Variants in XIAP observed in about 807,000 individuals in gnomAD.
XIAP encodes E3 ubiquitin-protein ligase XIAP.
In XIAP, 3 loss-of-function variants were observed where a neutral mutation model predicts 33.1. That is an observed-to-expected ratio of 0.09 (90% confidence interval 0.04 to 0.23). The LOEUF is 0.23. Ranked by LOEUF, XIAP falls within the 10% of genes least tolerant of loss-of-function variation. The pLI is 1.00. For synonymous variants in XIAP, 98 were observed against 121.3 expected (o/e 0.81, Z 1.26); for missense variants, 264 against 363.0 (o/e 0.73, Z 2.22).
chrX:123,865,997 T>C (rs979198526), intron 1 of XIAP, among the ~76,000 whole-genome samples: 4 of 106,373 alleles, frequency 3.8e-5, no homozygotes, highest in Non-Finnish European at 5.8e-5. Context: ...TGGAGTGCAA[T>C]GGCTGCGATC....
At chrX:123,898,674 T>C (rs1204143519) in intron 5 of XIAP, among the ~76,000 whole-genome samples, 1 of 108,859 alleles carries the variant, frequency 9.2e-6, no homozygotes, top group African/African-American at 3.3e-5. Context: ...TTTTTATTTT[T>C]TAATATAGAT....
Position 123,900,674 on chromosome X carries a change from T to G in XIAP, c.1281T>G (p.Ser427Arg). The change falls in exon 6 of 7, where the codon AGT (serine) becomes AGG (arginine). Residue 427 changes from serine (S) to arginine (R), a missense_variant. By Grantham distance (110) the Ser-to-Arg change is moderately radical (BLOSUM62 -1). Coordinates refer to ENST00000371199, the MANE Select transcript of XIAP (RefSeq NM_001167.4). ...AAGACAGTATGCAAGATGAGTCAAG[T>G]CAGACTTCATTACAGAAAGGTATGC... Reference protein sequence around the residue: ...AQKDSMQDESSQTSLQKEIST... With the variant: ...AQKDSMQDESRQTSLQKEIST... 2 of 1,211,195 alleles carry G rather than the reference T, an allele frequency of 1.7e-6. No homozygotes were observed. The highest frequency in any genetic ancestry group is 2.2e-6 in the Non-Finnish European group (2 of 895,026).
chrX:123,888,334 C>CA (rs762217859), intron 2 of XIAP, among the ~76,000 whole-genome samples: 1 of 111,496 alleles, frequency 9.0e-6, no homozygotes, highest in Non-Finnish European at 1.9e-5. Context: ...GACTCAGTCT[C>CA]AAAAAAAGAA....
intron 5 of XIAP, among the ~76,000 whole-genome samples, chrX:123,899,148 T>A (rs377139892): frequency 0.2 from 7,099 of 35,643 alleles, 1,524 homozygotes; most frequent in African/African-American, 0.25. Flanking sequence ...AAAAAAAATA[T>A]ATATATATAT....
chrX:123,861,011 A>T (rs7061360), intron 1 of XIAP, among the ~76,000 whole-genome samples: 40,250 of 110,841 alleles, frequency 0.36, 5,426 homozygotes, highest in African/African-American at 0.41. Flanking sequence ...AATGACTCAC[A>T]GAAATTTGTA....
At chrX:123,901,798 A>G (rs1006901294) in intron 6 of XIAP, among the ~76,000 whole-genome samples, 9 of 111,273 alleles carry the variant, frequency 8.1e-5, no homozygotes, top group African/African-American at 2.9e-4. Flanking sequence ...TGGTGGTAAA[A>G]TAAACCCTTT....
intron 1 of XIAP, among the ~76,000 whole-genome samples, chrX:123,861,940 C>G (rs1305902868): frequency 9.0e-6 from 1 of 111,716 alleles, no homozygotes; most frequent in Non-Finnish European, 1.9e-5. Flanking sequence ...TCCTAAGCTT[C>G]TTGATTATCA....
chrX:123,912,216 G>GAAAAAAAAAAAAAAAAAAACAAAAAAAAA lies in XIAP; in HGVS notation c.*5047_*5048insAAAAAAACAAAAAAAAAAAAAAAAAAAAA. 4.8e-6 allele frequency: 1 copy of GAAAAAAAAAAAAAAAAAAACAAAAAAAAA among 207,690 alleles called. No homozygotes were observed. The highest frequency in any genetic ancestry group is 8.7e-6 in the Non-Finnish European group (1 of 114,938). The allele number at this position is 207,690 out of a possible 1,213,427, so 17.1% of individuals were successfully genotyped here. On this transcript the variant is annotated 3_prime_UTR_variant, in exon 7 of 7. Transcript: ENST00000371199. The stretch of plus-strand genomic sequence containing the variant: ...ACCAAGGAGGAATTGAAAACACTGA[G>GAAAAAAAAAAAAAAAAAAACAAAAAAAAA]AAAAAAAAAAAAGACCACACAATAA...
At chrX:123,864,510 A>G (rs2053111796) in intron 1 of XIAP, among the ~76,000 whole-genome samples, 1 of 80,493 alleles carries the variant, frequency 1.2e-5, no homozygotes, top group Non-Finnish European at 2.2e-5. Flanking sequence ...TCTGTTGCCC[A>G]GGCTGGAGTG....
At chrX:123,884,722 GA>G in intron 1 of XIAP, among the ~76,000 whole-genome samples, 1 of 111,132 alleles carries the variant, frequency 9.0e-6, no homozygotes, top group Non-Finnish European at 1.9e-5. Flanking sequence ...TTCACTTTGA[GA>G]AGTGTCCAGG....
In XIAP at chrX:123,880,405, C is replaced by CT. The variant is rs1431210935; in HGVS notation, c.-32-5225dup. The stretch of plus-strand genomic sequence containing the variant: ...CAGCCTGGGCAACAAGAGTGAAACT[C>CT]TGTCTCAAAAAAAAAAAAGAAAGAA... On this transcript the variant is annotated intron_variant, in intron 1 of 6. Coordinates refer to ENST00000371199, the MANE Select transcript of XIAP (RefSeq NM_001167.4). Among the ~76,000 whole-genome samples, 4 of 93,831 alleles carry CT rather than the reference C, an allele frequency of 4.3e-5. No individual in the cohort carries two copies. In the East Asian group the frequency reaches 1.3e-3, roughly 31 times the overall value. 81.5% of individuals were successfully genotyped at this position (93,831 alleles called of 115,157 possible). A position where few individuals can be genotyped will look rare whatever the true frequency, so the allele number is the denominator to read the frequency against.
chrX:123,881,389 A>T (rs2053302675), intron 1 of XIAP, among the ~76,000 whole-genome samples: 2 of 110,363 alleles, frequency 1.8e-5, no homozygotes, highest in African/African-American at 6.6e-5. Flanking sequence ...ACCCTATCTT[A>T]CCCTTTTTGT....
At chrX:123,901,542 A>C (rs2053514186) in intron 6 of XIAP, among the ~76,000 whole-genome samples, 1 of 112,127 alleles carries the variant, frequency 8.9e-6, no homozygotes, top group African/African-American at 3.2e-5. Flanking sequence ...AAAAGATGAG[A>C]ATTCTCCTAC....
At chrX:123,897,579 C>T (rs1343568520) in intron 5 of XIAP, among the ~76,000 whole-genome samples, 2 of 108,134 alleles carry the variant, frequency 1.8e-5, no homozygotes, top group East Asian at 2.9e-4. Context: ...TTTTTTTTTC[C>T]GGAGACGGAG....
At position 123,908,627 on chromosome X, in the gene XIAP, A is replaced by T; in HGVS notation, c.*1446A>T. On this transcript the variant is annotated 3_prime_UTR_variant, in exon 7 of 7. Transcript: ENST00000371199. ...AAAATGTTAAGTCTTTCCTCTACCT[A>T]CATTTGTTTTCTTGGCTAGTAATAG... 5.5e-6 allele frequency: 2 copies of T among 361,366 alleles called. No individual in the cohort carries two copies. The highest frequency in any genetic ancestry group is 1.1e-5 in the Non-Finnish European group (2 of 189,234). The allele number at this position is 361,366 out of a possible 1,213,427, so 29.8% of individuals were successfully genotyped here. A position where few individuals can be genotyped will look rare whatever the true frequency, so the allele number is the denominator to read the frequency against.
At position 123,877,927 on chromosome X, in the gene XIAP, TCG is replaced by T. The variant is rs200171234; in HGVS notation, c.-32-7700_-32-7699del. 6.5e-3 allele frequency among the ~76,000 whole-genome samples: 685 copies of T among 105,719 alleles called. 6 individuals are homozygous for T. Among genetic ancestry groups the T allele is most frequent in the African/African-American group, 0.022 (632 of 28,490 alleles). The allele number at this position is 105,719 out of a possible 115,157, so 91.8% of individuals were successfully genotyped here. A position where few individuals can be genotyped will look rare whatever the true frequency, so the allele number is the denominator to read the frequency against. On this transcript the variant is annotated intron_variant, in intron 1 of 6. Coordinates refer to ENST00000371199, the MANE Select transcript of XIAP (RefSeq NM_001167.4). Reference sequence around the variant, plus strand: ...AGGCGGAGCTTGCAGTGAGCCGAGATCGCGCCACTGCACTCCAGCCTGGGAGC... The same window carrying T: ...AGGCGGAGCTTGCAGTGAGCCGAGATCGCCACTGCACTCCAGCCTGGGAGC...
At chrX:123,885,596 A>G in intron 1 of XIAP, 35 bp from the exon 2 acceptor site, 1 of 1,135,567 alleles carries the variant, frequency 8.8e-7, no homozygotes, top group Non-Finnish European at 1.2e-6. Flanking sequence ...TGTGTTTCAC[A>G]TTTTGGATTT....
At chrX:123,896,927 A>ATTT (rs55979065) in intron 5 of XIAP, among the ~76,000 whole-genome samples, 2 of 75,291 alleles carry the variant, frequency 2.7e-5, no homozygotes, top group Non-Finnish European at 5.0e-5. Flanking sequence ...AACGTCTTTA[A>ATTT]TTTTTTTTTT....
At chrX:123,877,779 C>G (rs1443725260) in intron 1 of XIAP, among the ~76,000 whole-genome samples, 1 of 110,448 alleles carries the variant, frequency 9.1e-6, no homozygotes, top group Non-Finnish European at 1.9e-5. Context: ...CGAGACCATC[C>G]TGGCTAACAC....
Sources: gnomAD v4.1 joint callset for allele counts (sites outside exome capture counted in the v4.1 genomes callset) on GRCh38, gnomAD v4.1.1 for gene constraint, MANE v1.5 for transcripts, NCBI Gene and HGNC (gene_info 2026-07-23, HGNC 2026-07-21) for gene names.